The following DDAH1 variants were observed in gnomAD, a reference collection of about 807,000 sequenced individuals.
The protein encoded by DDAH1 is N(G),N(G)-dimethylarginine dimethylaminohydrolase 1.
DDAH1 carries 19 observed loss-of-function variants against 28.8 expected under a neutral mutation model. That is an observed-to-expected ratio of 0.66 (90% CI 0.46 to 0.97). The LOEUF is 0.97. Ranked by LOEUF, DDAH1 falls within the 50% of genes least tolerant of loss-of-function variation. The pLI is 0.00. For missense variants in DDAH1, 326 were observed against 375.9 expected, an observed-to-expected ratio of 0.87 and a Z score of 1.10; for synonymous variants, 153 against 154.4, an observed-to-expected ratio of 0.99 and a Z score of 0.07.
chr1:85,420,705 C>T (rs1396018340), intron 1 of DDAH1, among the ~76,000 whole-genome samples: 1 of 152,160 alleles, frequency 6.6e-6, no homozygotes, highest in Non-Finnish European at 1.5e-5. Context: ...CTAAGAAGTT[C>T]CAAACTTTCC....
At chr1:85,396,752 A>G (rs1651831204) in intron 1 of DDAH1, among the ~76,000 whole-genome samples, 1 of 152,196 alleles carries the variant, frequency 6.6e-6, no homozygotes, top group Non-Finnish European at 1.5e-5. Flanking sequence ...ATATTTATTC[A>G]GGCCAGGTGT....
intron 1 of DDAH1, among the ~76,000 whole-genome samples, chr1:85,360,764 G>A (rs1649743135): frequency 6.6e-6 from 1 of 152,142 alleles, no homozygotes; most frequent in Admixed American, 6.5e-5. Flanking sequence ...CTATATACCA[G>A]TTTCAGAAAC....
intron 1 of DDAH1, among the ~76,000 whole-genome samples, chr1:85,397,510 T>A (rs986090969): frequency 6.6e-6 from 1 of 152,182 alleles, no homozygotes; most frequent in Non-Finnish European, 1.5e-5. Flanking sequence ...GTTCTCTTAA[T>A]GTTTTATTTT....
chr1:85,412,293 A>G (rs1306733741), intron 1 of DDAH1, among the ~76,000 whole-genome samples: 1 of 152,198 alleles, frequency 6.6e-6, no homozygotes, highest in Non-Finnish European at 1.5e-5. Context: ...ACAAATGAAC[A>G]CAGAAATAAT....
At chr1:85,471,940 C>T (rs1161195374) in intron 2 of DDAH1, among the ~76,000 whole-genome samples, 2 of 152,210 alleles carry the variant, frequency 1.3e-5, no homozygotes, top group Non-Finnish European at 2.9e-5. Flanking sequence ...GAAGCAGCCT[C>T]AGAGGTGTAG....
chr1:85,396,363 G>A (rs1651813932), intron 1 of DDAH1, among the ~76,000 whole-genome samples: 1 of 152,176 alleles, frequency 6.6e-6, no homozygotes, highest in African/African-American at 2.4e-5. Flanking sequence ...GCAAAAGGGA[G>A]TCACAGTACA....
At chr1:85,344,668 G>A (rs1648731869) in intron 4 of DDAH1, among the ~76,000 whole-genome samples, 1 of 151,230 alleles carries the variant, frequency 6.6e-6, no homozygotes, top group African/African-American at 2.4e-5. Context: ...TACCAATGAG[G>A]TCAAGTTAAA....
chr1:85,527,294 G>C (rs1436845909), intron 1 of DDAH1, among the ~76,000 whole-genome samples: 1 of 152,036 alleles, frequency 6.6e-6, no homozygotes, highest in African/African-American at 2.4e-5. Context: ...AGCACCATTG[G>C]CTGTCTGCCA....
intron 1 of DDAH1, among the ~76,000 whole-genome samples, chr1:85,504,083 T>C (rs1030057334): frequency 5.3e-5 from 8 of 152,350 alleles, no homozygotes; most frequent in Admixed American, 1.3e-4. Flanking sequence ...TCGCTTTGGC[T>C]GCAGCGTAGG....
rs1466573577 is a variant in DDAH1 at position 85,476,774 on chromosome 1, AG to A, written c.-7+19391del. Among the ~76,000 whole-genome samples the A allele has an allele frequency of 7.2e-5, 11 of 152,300 alleles. No homozygotes were observed. In the East Asian group the frequency reaches 1.2e-3, roughly 16 times the overall value. ...TGTATCATTAACCAGTCACACTCTT[AG>A]TATCAAGTTCTGTTATTCTTCCAAG... is the stretch of plus-strand genomic sequence containing the variant. On this transcript the variant is annotated intron_variant, in intron 2 of 6. Transcript: ENST00000426972.
chr1:85,380,509 G>A (rs1650929645), intron 1 of DDAH1: 1 of 152,142 alleles, frequency 6.6e-6, no homozygotes, highest in Admixed American at 6.6e-5. Context: ...ACTGGCCTCT[G>A]GTTACATGAT....
intron 1 of DDAH1, among the ~76,000 whole-genome samples, chr1:85,388,804 A>G (rs1289605594): frequency 1.3e-5 from 2 of 152,194 alleles, no homozygotes; most frequent in South Asian, 4.1e-4. Context: ...AGCTATTTCT[A>G]TCTACTTTCA....
At chr1:85,476,705 A>G (rs942009282) in intron 2 of DDAH1, among the ~76,000 whole-genome samples, 4 of 152,140 alleles carry the variant, frequency 2.6e-5, no homozygotes, top group Non-Finnish European at 4.4e-5. Context: ...AGGCCTGCCC[A>G]TCAAAGGGAG....
intron 1 of DDAH1, among the ~76,000 whole-genome samples, chr1:85,417,791 G>A (rs540631994): frequency 6.6e-6 from 1 of 152,172 alleles, no homozygotes; most frequent in Non-Finnish European, 1.5e-5. Context: ...ATGAATTGAA[G>A]AGTGAATTTA....
At chr1:85,369,551 T>A (rs1650266682) in intron 1 of DDAH1, among the ~76,000 whole-genome samples, 1 of 152,178 alleles carries the variant, frequency 6.6e-6, no homozygotes, top group Non-Finnish European at 1.5e-5. Flanking sequence ...CGTTGGCCTA[T>A]TTGTCCCAAT....
chr1:85,436,132 G>A (rs1459157755), intron 1 of DDAH1, among the ~76,000 whole-genome samples: 5 of 151,938 alleles, frequency 3.3e-5, no homozygotes, highest in Non-Finnish European at 5.9e-5. Flanking sequence ...TATTGCATTG[G>A]CCATAAATTC....
intron 1 of DDAH1, among the ~76,000 whole-genome samples, chr1:85,572,417 C>G (rs192330142): frequency 6.6e-6 from 1 of 152,246 alleles, no homozygotes; most frequent in African/African-American, 2.4e-5. Flanking sequence ...ATGCTCTCCC[C>G]GAAAGGAATG....
At chr1:85,462,847 TAG>T (rs1336059803) in intron 1 of DDAH1, among the ~76,000 whole-genome samples, 1 of 152,202 alleles carries the variant, frequency 6.6e-6, no homozygotes, top group African/African-American at 2.4e-5. Context: ...TATCACATAG[TAG>T]AGAGATGTCA....
chr1:85,322,306 A>G (rs559985976), intron 5 of DDAH1, among the ~76,000 whole-genome samples: 1 of 152,336 alleles, frequency 6.6e-6, no homozygotes, highest in East Asian at 1.9e-4. Flanking sequence ...TTGACAAGAT[A>G]TAACTTAAGT....
Sources: allele counts gnomAD v4.1 joint callset (sites outside exome capture counted in the v4.1 genomes callset), GRCh38; gene constraint gnomAD v4.1.1; transcripts MANE v1.5; gene names NCBI Gene and HGNC (gene_info 2026-07-23, HGNC 2026-07-21).